Variants in P3H2 observed in about 807,000 individuals in gnomAD.
P3H2 encodes the protein prolyl 3-hydroxylase 2, also known as leprecan-like 1.
A neutral mutation model predicts 87.0 loss-of-function variants in P3H2; 80 were observed. The ratio of observed to expected loss-of-function variants is 0.92; its 90% confidence interval spans 0.77 to 1.11. The LOEUF is 1.11. Ranked by LOEUF, P3H2 falls within the 50% of genes least tolerant of loss-of-function variation. The probability of loss-of-function intolerance (pLI) is 0.00; values close to 1 mark genes in which losing one functional copy is unlikely to be tolerated. For missense variants in P3H2, 1,001 were observed against 923.9 expected (o/e 1.08, Z -1.08); for synonymous variants, 367 against 359.3 (o/e 1.02, Z -0.24).
At position 189,963,965 on chromosome 3, in the gene P3H2, C is replaced by T. The variant is rs1402322758; in HGVS notation, c.2027G>A (p.Arg676Lys). ...ALWFTLDPLY[R>K]ELERIQADEV... ...GGCGGGTGAGAAACTCACCAATTCT[C>T]TATAAAGTGGGTCCAAGGTGAACCA... The change falls in exon 14 of 15, where the codon AGA becomes AAA. Residue 676 changes from arginine to lysine, a missense_variant. By Grantham distance (26) the Arg-to-Lys change is conservative. Coordinates refer to ENST00000319332, the MANE Select transcript of P3H2 (RefSeq NM_018192.4). 1.9e-6 allele frequency: 3 copies of T among 1,614,050 alleles called. No homozygotes were observed. The highest frequency in any genetic ancestry group is 2.5e-6 in the Non-Finnish European group (3 of 1,180,022).
intron 13 of P3H2, among the ~76,000 whole-genome samples, chr3:189,968,250 G>T (rs1299378089): frequency 6.6e-6 from 1 of 151,868 alleles, no homozygotes; most frequent in African/African-American, 2.4e-5. Context: ...TTCTCCTAAT[G>T]TTATCCCCCT....
intron 6 of P3H2, among the ~76,000 whole-genome samples, chr3:189,984,813 A>T (rs1560348685): frequency 6.6e-6 from 1 of 152,166 alleles, no homozygotes; most frequent in Non-Finnish European, 1.5e-5. Context: ...ATACAAGTCG[A>T]GTTTTCAAAT....
At chr3:190,092,315 G>A (rs915452089) in intron 1 of P3H2, among the ~76,000 whole-genome samples, 1 of 151,914 alleles carries the variant, frequency 6.6e-6, no homozygotes, top group Non-Finnish European at 1.5e-5. Context: ...GTATAAAAGG[G>A]CCATGTACTC....
chr3:189,963,207 C>T (rs891068445), intron 14 of P3H2, among the ~76,000 whole-genome samples: 1 of 152,176 alleles, frequency 6.6e-6, no homozygotes, highest in Admixed American at 6.5e-5. Context: ...GCTTCCAAAA[C>T]GATGAGATCA....
chr3:189,973,507 CTTTCTTTTTTTTTTTTTTTTTT>C (rs1327562073), intron 10 of P3H2, among the ~76,000 whole-genome samples: 2 of 78,990 alleles, frequency 2.5e-5, no homozygotes, highest in Admixed American at 1.6e-4. Flanking sequence ...TTCTTTCTTT[CTTTCTTTTTTTTTTTTTTTTTT>C]TTTTTTTTTA....
intron 1 of P3H2, among the ~76,000 whole-genome samples, chr3:190,067,011 C>CTT (rs56858478): frequency 3.8e-4 from 53 of 139,780 alleles, no homozygotes; most frequent in African/African-American, 1.2e-3. Flanking sequence ...AATTTTCTTT[C>CTT]TTTTTTTTTT....
At chr3:190,037,557 C>T (rs961074710) in intron 1 of P3H2, among the ~76,000 whole-genome samples, 5 of 152,106 alleles carry the variant, frequency 3.3e-5, no homozygotes, top group South Asian at 2.1e-4. Context: ...GATGTCAACA[C>T]GTCAATCTGT....
intron 3 of P3H2, among the ~76,000 whole-genome samples, chr3:189,991,165 T>G (rs1194003733): frequency 6.6e-6 from 1 of 152,184 alleles, no homozygotes; most frequent in Non-Finnish European, 1.5e-5. Context: ...AAAACTGACA[T>G]TCCAAAAATT....
intron 3 of P3H2, among the ~76,000 whole-genome samples, 193 bp from the exon 4 acceptor site, chr3:189,989,231 G>A (rs930245937): frequency 8.5e-5 from 13 of 152,138 alleles, no homozygotes; most frequent in African/African-American, 2.4e-4. Context: ...CCTGGTCAGC[G>A]ATCACTAGAA....
rs1366132557 is a variant in P3H2 at position 190,082,610 on chromosome 3, A to C, written c.480+37642T>G. Among the ~76,000 whole-genome samples the C allele has an allele frequency of 4.6e-5, 7 of 152,304 alleles. No homozygotes were observed. In the East Asian group the frequency reaches 1.4e-3, roughly 29 times the overall value. On this transcript the variant is annotated intron_variant, in intron 1 of 14. Transcript: ENST00000319332. ...CTAGCTACACTGAAATATACAATAC[A>C]TTATTACTAACTATAGTCTCCCTAC... is the stretch of plus-strand genomic sequence containing the variant.
intron 1 of P3H2, among the ~76,000 whole-genome samples, chr3:190,100,235 CCCGCCCCCCCCG>C (rs1458294143): frequency 1.1e-5 from 1 of 89,600 alleles, no homozygotes; most frequent in Admixed American, 9.8e-5. Context: ...AACTCCGTCC[CCCGCCCCCCCCG>C]CCGCCCCCCC....
At chr3:190,105,808 T>C (rs1387608151) in intron 1 of P3H2, among the ~76,000 whole-genome samples, 3 of 152,208 alleles carry the variant, frequency 2.0e-5, no homozygotes. Flanking sequence ...ACTGGCCCAA[T>C]GCTGCCCTAG....
intron 1 of P3H2, among the ~76,000 whole-genome samples, chr3:190,050,657 T>C (rs916302365): frequency 6.6e-6 from 1 of 152,200 alleles, no homozygotes; most frequent in African/African-American, 2.4e-5. Context: ...ATGAGTTTTT[T>C]GAGGAATATT....
At position 189,957,985 on chromosome 3, in the gene P3H2, T is replaced by A. The variant is rs1722692265; in HGVS notation, c.2054A>T (p.Glu685Val). ...TTCTTGATCCAGAATTGCAATCACT[T>A]CATCAGCCTGTATTCGCTCCTGCAA... Reference protein sequence around the residue: ...YRELERIQADEVIAILDQEQQ... With the variant: ...YRELERIQADVVIAILDQEQQ... The change falls in exon 15 of 15, where the codon GAA becomes GTA. Residue 685 changes from glutamate to valine, a missense_variant. Transcript: ENST00000319332. 1.2e-6 allele frequency: 2 copies of A among 1,613,410 alleles called. No individual in the cohort carries two copies. Among genetic ancestry groups the A allele is most frequent in the Non-Finnish European group, 8.5e-7 (1 of 1,179,418 alleles).
At chr3:190,026,984 T>C (rs149943580) in intron 1 of P3H2, among the ~76,000 whole-genome samples, 23 of 152,352 alleles carry the variant, frequency 1.5e-4, no homozygotes, top group African/African-American at 5.5e-4. Flanking sequence ...ATTTAAAACA[T>C]AACTGCCTTC....
At chr3:190,108,521 T>C (rs1432274031) in intron 1 of P3H2, among the ~76,000 whole-genome samples, 4 of 152,258 alleles carry the variant, frequency 2.6e-5, no homozygotes, top group Non-Finnish European at 1.5e-5. Context: ...GCCCAGCCTG[T>C]AAATCTTTAC....
chr3:190,020,937 A>G (rs1724912779), intron 1 of P3H2, among the ~76,000 whole-genome samples: 1 of 134,742 alleles, frequency 7.4e-6, no homozygotes, highest in Non-Finnish European at 1.7e-5. Context: ...ACTTTTAAGT[A>G]TAGTTTAGTC....
intron 8 of P3H2, among the ~76,000 whole-genome samples, chr3:189,977,812 C>G (rs1009991722): frequency 6.6e-6 from 1 of 151,064 alleles, no homozygotes; most frequent in Non-Finnish European, 1.5e-5. Context: ...TTTTCAGGGT[C>G]TTGCCCAGGC....
chr3:190,086,314 C>T (rs1318906639), intron 1 of P3H2, among the ~76,000 whole-genome samples: 2 of 152,162 alleles, frequency 1.3e-5, no homozygotes, highest in Admixed American at 6.6e-5. Context: ...ATTGACAGCT[C>T]AGAGTGAAAC....
Sources: gnomAD v4.1 joint callset for allele counts (sites outside exome capture counted in the v4.1 genomes callset) on GRCh38, gnomAD v4.1.1 for gene constraint, MANE v1.5 for transcripts, NCBI Gene and HGNC (gene_info 2026-07-23, HGNC 2026-07-21) for gene names.